LIMCH1: variants seen among roughly 807,000 people sequenced by gnomAD.
LIMCH1 encodes the protein LIM and calponin homology domains 1, also known as LIM and calponin homology domains-containing protein 1.
In LIMCH1, 113 loss-of-function variants were observed where a neutral mutation model predicts 176.5. That is an observed-to-expected ratio of 0.64 (90% CI 0.55 to 0.75). The LOEUF (loss-of-function observed/expected upper bound fraction) is 0.75, where lower values mean the gene tolerates loss of function less well. LIMCH1 is among the 30% of genes least tolerant of loss of function. LIMCH1 has a pLI of 0.00. For synonymous variants in LIMCH1, 619 were observed against 645.9 expected, an observed-to-expected ratio of 0.96 and a Z score of 0.63; for missense variants, 1,674 against 1,814.9, an observed-to-expected ratio of 0.92 and a Z score of 1.41.
chr4:41,360,022 G>T (rs891244381), upstream of LIMCH1, among the ~76,000 whole-genome samples: 1 of 123,256 alleles, frequency 8.1e-6, no homozygotes, highest in Middle Eastern at 3.9e-3. This position sits in a 1 kb window ranked among gnomAD's most constrained non-coding sequence, Gnocchi z 4.5. Context: ...GGTAGGGTGT[G>T]TAGGGTGTGT....
intron 14 of LIMCH1, among the ~76,000 whole-genome samples, chr4:41,642,737 C>CTTT (rs368906535): frequency 0.022 from 3,059 of 136,348 alleles, 119 homozygotes; most frequent in African/African-American, 0.074. Flanking sequence ...TTTCTTTTTT[C>CTTT]TTTTTTTTTT....
rs1366854623 is a variant in LIMCH1 at position 41,627,021 on chromosome 4, T to G, written c.1028+11T>G. The stretch of plus-strand genomic sequence containing the variant: ...TCTAGAATATAAAAGGTGTGCATGG[T>G]GTGTGTGTGTGTGTGTGTGTGTGTG... On this transcript the variant is annotated intron_variant, in intron 8 of 31. Coordinates refer to ENST00000503057, the MANE Select transcript of LIMCH1 (RefSeq NM_001330672.2). 2.5e-6 allele frequency: 2 copies of G among 803,046 alleles called. No individual in the cohort carries two copies. Among genetic ancestry groups the G allele is most frequent in the Non-Finnish European group, 1.7e-6 (1 of 606,060 alleles). The allele number at this position is 803,046 out of a possible 1,614,324, so 49.7% of individuals were successfully genotyped here. A position where few individuals can be genotyped will look rare whatever the true frequency, so the allele number is the denominator to read the frequency against.
At chr4:41,428,147 T>C (rs897345996) in intron 1 of LIMCH1, among the ~76,000 whole-genome samples, 83 of 152,302 alleles carry the variant, frequency 5.4e-4, no homozygotes, top group African/African-American at 1.8e-3. Context: ...TCTCATCTTT[T>C]GGAGAGAGAG....
intron 2 of LIMCH1, among the ~76,000 whole-genome samples, chr4:41,517,400 C>A (rs747562080): frequency 6.6e-6 from 1 of 152,184 alleles, no homozygotes; most frequent in Non-Finnish European, 1.5e-5. Context: ...TATTACAGTA[C>A]TGATAGCACT....
intron 2 of LIMCH1, among the ~76,000 whole-genome samples, chr4:41,509,169 A>G (rs923601161): frequency 1.3e-5 from 2 of 152,208 alleles, no homozygotes; most frequent in Admixed American, 6.5e-5. Context: ...ACTGGGATAT[A>G]TGGTCACCCC....
intron 3 of LIMCH1, chr4:41,604,156 G>A (rs2090364063): frequency 1.0e-6 from 1 of 969,308 alleles, no homozygotes; most frequent in Admixed American, 6.2e-5. Context: ...CTTGTACTCT[G>A]TTTATGATTC....
intron 1 of LIMCH1, among the ~76,000 whole-genome samples, chr4:41,539,545 A>G (rs2078359879): frequency 6.6e-6 from 1 of 152,202 alleles, no homozygotes; most frequent in African/African-American, 2.4e-5. Flanking sequence ...AGGGGCAAGA[A>G]TAAGCCACCC....
chr4:41,502,259 G>T (rs1047086045), intron 2 of LIMCH1, among the ~76,000 whole-genome samples: 3 of 152,080 alleles, frequency 2.0e-5, no homozygotes, highest in Non-Finnish European at 2.9e-5. Context: ...TTTTATGGCT[G>T]CATAGTATTC....
chr4:41,435,591 G>A (rs2062007661), intron 1 of LIMCH1, among the ~76,000 whole-genome samples: 1 of 152,172 alleles, frequency 6.6e-6, no homozygotes, highest in African/African-American at 2.4e-5. Context: ...TTTGAGTGCA[G>A]AATAAAGCTA....
At chr4:41,492,452 G>C (rs372741763) in intron 1 of LIMCH1, among the ~76,000 whole-genome samples, 42 of 152,002 alleles carry the variant, frequency 2.8e-4, no homozygotes, top group African/African-American at 9.9e-4. Context: ...GGGAGGGGGA[G>C]GGGGAGGGGG....
chr4:41,492,325 C>T (rs913208017), intron 1 of LIMCH1, among the ~76,000 whole-genome samples: 3 of 151,720 alleles, frequency 2.0e-5, no homozygotes, highest in Non-Finnish European at 4.4e-5. Flanking sequence ...CACCGGAGCC[C>T]GAGGCAGGGA....
intron 5 of LIMCH1, among the ~76,000 whole-genome samples, chr4:41,614,158 T>C (rs2091796826): frequency 6.6e-6 from 1 of 152,244 alleles, no homozygotes. Flanking sequence ...ATCTGTTTGA[T>C]GCTTGTGATA....
At chr4:41,590,311 G>A (rs1050192592) in intron 1 of LIMCH1, among the ~76,000 whole-genome samples, 1 of 151,986 alleles carries the variant, frequency 6.6e-6, no homozygotes, top group Middle Eastern at 3.2e-3. Flanking sequence ...GGCTGGTCTC[G>A]AACTTCTGGG....
chr4:41,498,913 G>A (rs1252904934), intron 2 of LIMCH1, among the ~76,000 whole-genome samples: 2 of 150,904 alleles, frequency 1.3e-5, no homozygotes, highest in Non-Finnish European at 2.9e-5. Context: ...CTAAGAATGT[G>A]TTTTATGTTT....
At chr4:41,482,703 T>C (rs915994525) in intron 1 of LIMCH1, among the ~76,000 whole-genome samples, 10 of 152,212 alleles carry the variant, frequency 6.6e-5, no homozygotes, top group Non-Finnish European at 1.3e-4. Context: ...ATGGCAATTT[T>C]ATTATTGCTG....
intron 1 of LIMCH1, among the ~76,000 whole-genome samples, chr4:41,428,519 A>C: frequency 6.6e-6 from 1 of 152,214 alleles, no homozygotes; most frequent in African/African-American, 2.4e-5. Flanking sequence ...GAAAGCAAGT[A>C]AATTGGGGAT....
At chr4:41,680,187 A>C (rs969419918) in intron 24 of LIMCH1, 89 bp downstream of exon 24, 2 of 863,148 alleles carry the variant, frequency 2.3e-6, no homozygotes, top group African/African-American at 3.3e-5. Flanking sequence ...ATGCGGATGC[A>C]TGTGGCTGTG....
chr4:41,480,738 C>A (rs1001755934), intron 1 of LIMCH1, among the ~76,000 whole-genome samples: 1 of 152,216 alleles, frequency 6.6e-6, no homozygotes, highest in African/African-American at 2.4e-5. Context: ...CTCCACTAGT[C>A]CATTTTCTTT....
At chr4:41,414,578 G>A (rs966807203) in intron 1 of LIMCH1, among the ~76,000 whole-genome samples, 2 of 152,102 alleles carry the variant, frequency 1.3e-5, no homozygotes, top group African/African-American at 2.4e-5. Context: ...TTTTTGTTAT[G>A]ACCGTAAATT....
Sources: gnomAD v4.1 joint callset for allele counts (sites outside exome capture counted in the v4.1 genomes callset) on GRCh38, gnomAD v4.1.1 for gene constraint, Gnocchi (gnomAD v3.1) non-coding constraint, MANE v1.5 for transcripts, NCBI Gene and HGNC (gene_info 2026-07-23, HGNC 2026-07-21) for gene names.